Variants in FBLN2 observed in about 807,000 individuals in gnomAD.
The protein encoded by FBLN2 is fibulin-2.
Under a neutral mutation model 123.7 loss-of-function variants are expected in FBLN2, and 81 were observed. The ratio of observed to expected loss-of-function variants is 0.65; its 90% confidence interval spans 0.55 to 0.79. FBLN2 has a LOEUF of 0.79. Among genes scored for constraint, FBLN2 ranks in the 30% least tolerant of loss-of-function variants. The pLI, the probability that FBLN2 is intolerant of heterozygous loss-of-function variation, is 0.00. For missense variants in FBLN2, 1,603 were observed against 1,681.3 expected, an observed-to-expected ratio of 0.95 and a Z score of 0.81; for synonymous variants, 699 against 701.4, an observed-to-expected ratio of 1.00 and a Z score of 0.05.
In FBLN2 at chr3:13,596,390, G is replaced by A. The variant is rs184203509; in HGVS notation, c.1307-11672G>A. Among the ~76,000 whole-genome samples, 16 of 152,286 alleles carry A rather than the reference G, an allele frequency of 1.1e-4. No homozygotes were observed. The East Asian group carries it at 3.1e-3, about 29-fold the overall frequency. On this transcript the variant is annotated intron_variant, in intron 2 of 17. Coordinates refer to ENST00000404922, the MANE Select transcript of FBLN2 (RefSeq NM_001004019.2). ...TTATTTAATCACTGCCCTGCAGGTG[G>A]GATTTAGGTTGTTTCTGGATCTTTG...
chr3:13,593,165 GAT>G (rs1172271425), intron 2 of FBLN2, among the ~76,000 whole-genome samples: 1 of 152,224 alleles, frequency 6.6e-6, no homozygotes, highest in Non-Finnish European at 1.5e-5. Flanking sequence ...GCATTGAGGT[GAT>G]TTCTGCAGTC....
intron 2 of FBLN2, among the ~76,000 whole-genome samples, chr3:13,602,584 A>T (rs1030581767): frequency 6.6e-6 from 1 of 152,208 alleles, no homozygotes; most frequent in Non-Finnish European, 1.5e-5. Context: ...TGTTATACCC[A>T]TTAGACAATC....
At position 13,631,346 on chromosome 3, in the gene FBLN2, C is replaced by T. The variant is rs1197756221; in HGVS notation, c.3103C>T (p.Gln1035Ter). The change falls in exon 16 of 18, where the codon CAA becomes TAA. Residue 1035 changes from glutamine (Q) to a stop codon, truncating the protein, a stop_gained. Transcript: ENST00000404922. LOFTEE classifies it high-confidence loss of function. Reference sequence around the variant, plus strand: ...TCTGACAGACATCGACGAGTGTGCTCAAGGCGCCGGCATCCTCTGCACCTT... The same window carrying T: ...TCTGACAGACATCGACGAGTGTGCTTAAGGCGCCGGCATCCTCTGCACCTT... The part of the protein sequence containing the change: ...HTCTDIDECA[Q>*]GAGILCTFRC... 5 of 1,602,776 alleles carry T rather than the reference C, an allele frequency of 3.1e-6. No individual in the cohort carries two copies. Among genetic ancestry groups the T allele is most frequent in the Non-Finnish European group, 8.5e-7 (1 of 1,175,302 alleles).
At chr3:13,634,096 T>C (rs1336811463) in intron 16 of FBLN2, among the ~76,000 whole-genome samples, 2 of 152,196 alleles carry the variant, frequency 1.3e-5, no homozygotes, top group Non-Finnish European at 2.9e-5. Flanking sequence ...ACTCTCGGTC[T>C]TGCCCCTGAG....
chr3:13,629,902 C>T lies in FBLN2; in HGVS notation c.2925C>T (p.Cys975=), dbSNP rs41283999. 9,700 of 1,607,190 alleles carry T rather than the reference C, an allele frequency of 6.0e-3. 473 individuals carry two copies. In the African/African-American group the frequency reaches 0.11, roughly 19 times the overall value. ...ENTLGSYRCS[C]ASGFLLAADG... is the part of the protein sequence containing the mutation. The stretch of plus-strand genomic sequence containing the variant: ...CACTCGGCTCCTACCGCTGTTCCTG[C>T]GCCTCCGGGTTCCTGCTAGCAGCGG... The change falls in exon 14 of 18, where the codon TGC becomes TGT. Residue 975 remains cysteine (C), a synonymous_variant. Transcript: ENST00000404922.
At chr3:13,549,261 C>T in intron 1 of FBLN2, 53 bp downstream of exon 1, 1 of 973,502 alleles carries the variant, frequency 1.0e-6, no homozygotes. Context: ...GTCCGCGCCT[C>T]GCAGCTCAGG....
chr3:13,631,188 C>T lies in FBLN2; in HGVS notation c.3086-141C>T, dbSNP rs575391352. 389 of 1,124,874 alleles carry T rather than the reference C, an allele frequency of 3.5e-4. No homozygotes were observed. In the African/African-American group the frequency reaches 5.7e-3, roughly 16 times the overall value. The allele number at this position is 1,124,874 out of a possible 1,614,324, so 69.7% of individuals were successfully genotyped here. A position where few individuals can be genotyped will look rare whatever the true frequency, so the allele number is the denominator to read the frequency against. On this transcript the variant is annotated intron_variant, in intron 15 of 17. Coordinates refer to ENST00000404922, the MANE Select transcript of FBLN2 (RefSeq NM_001004019.2). ...TTGCTTCGTGGCCTTGGGCAACTCT[C>T]TTCTACTCTCTCAGTCCACTTGTCT...
In FBLN2 at chr3:13,629,881, C is replaced by T. The variant is rs763679280; in HGVS notation, c.2904C>T (p.Leu968=). The T allele has an allele frequency of 1.9e-5, 31 of 1,599,526 alleles. No homozygotes were observed. The highest frequency in any genetic ancestry group is 6.8e-5 in the South Asian group (6 of 88,186). ...GCCAGCACACGTGTGAGAACACACT[C>T]GGCTCCTACCGCTGTTCCTGCGCCT... ...RLCQHTCENT[L]GSYRCSCASG... The change falls in exon 14 of 18, where the codon CTC becomes CTT. Residue 968 remains leucine, a synonymous_variant. Coordinates refer to ENST00000404922, the MANE Select transcript of FBLN2 (RefSeq NM_001004019.2).
At position 13,613,951 on chromosome 3, in the gene FBLN2, A is replaced by C. The variant is rs1705488693; in HGVS notation, c.1549-33A>C. The C allele has an allele frequency of 7.5e-6, 12 of 1,598,522 alleles. No individual in the cohort carries two copies. In the African/African-American group the frequency reaches 8.0e-5, roughly 11 times the overall value. On this transcript the variant is annotated intron_variant, in intron 4 of 17. Coordinates refer to ENST00000404922, the MANE Select transcript of FBLN2 (RefSeq NM_001004019.2). ...GAGCCTAGCTCCAGGCTGGGGCCAG[A>C]GATTGGGCAGTGATAACTGTCTCTC...
chr3:13,629,775 G>GGTGGCC, intron 13 of FBLN2, 45 bp from the exon 14 acceptor site: 1 of 1,541,612 alleles, frequency 6.5e-7, no homozygotes, highest in Non-Finnish European at 8.8e-7. Flanking sequence ...GAGGGAGCTG[G>GGTGGCC]CTTTAGGGCC....
At chr3:13,562,291 C>T (rs964283730) in intron 1 of FBLN2, among the ~76,000 whole-genome samples, 1 of 151,780 alleles carries the variant, frequency 6.6e-6, no homozygotes, top group Non-Finnish European at 1.5e-5. Context: ...TTACGTTTGG[C>T]TCTACAGTGC....
In FBLN2 at chr3:13,571,421, G is replaced by T. The variant is rs200487515; in HGVS notation, c.1066G>T (p.Val356Leu). 1.2e-6 allele frequency: 2 copies of T among 1,612,960 alleles called. No homozygotes were observed. The highest frequency in any genetic ancestry group is 8.5e-7 in the Non-Finnish European group (1 of 1,179,594). The stretch of plus-strand genomic sequence containing the variant: ...GTCCCGCAGCACTGGGCCGGAGGGC[G>T]TGACGCATGCACCGAGCCTGGGCAA... ...ATSRSTGPEG[V>L]THAPSLGKAA... The change falls in exon 2 of 18, where the codon GTG (valine) becomes TTG (leucine). Residue 356 changes from valine to leucine, a missense_variant. Physicochemically the swap from Val to Leu is conservative, Grantham distance 32. Transcript: ENST00000404922.
intron 5 of FBLN2, among the ~76,000 whole-genome samples, chr3:13,616,419 G>A (rs948106831): frequency 1.1e-4 from 16 of 152,180 alleles, no homozygotes; most frequent in African/African-American, 3.6e-4. Flanking sequence ...AATCCTGGAG[G>A]TACTGTCTAG....
chr3:13,622,055 A>C, intron 9 of FBLN2, 140 bp downstream of exon 9: 1 of 1,039,026 alleles, frequency 9.6e-7, no homozygotes, highest in South Asian at 1.7e-5. Flanking sequence ...TCCGTGCTCT[A>C]TGTCGTGCCC....
chr3:13,575,373 G>T (rs1457756080), intron 2 of FBLN2, among the ~76,000 whole-genome samples: 1 of 152,072 alleles, frequency 6.6e-6, no homozygotes, highest in Non-Finnish European at 1.5e-5. Context: ...GGTCCCCTTT[G>T]AATTCATCCT....
intron 1 of FBLN2, among the ~76,000 whole-genome samples, chr3:13,554,856 C>T (rs572385727): frequency 1.3e-5 from 2 of 152,086 alleles, no homozygotes; most frequent in African/African-American, 4.8e-5. Context: ...ACCGTGTTTT[C>T]GGCTGCATCC....
rs200786749 is a variant in FBLN2 at position 13,570,927 on chromosome 3, G to A, written c.572G>A (p.Arg191Gln). The A allele has an allele frequency of 3.5e-5, 57 of 1,612,884 alleles. 1 individual carries two copies. The South Asian group carries it at 4.5e-4, about 13-fold the overall frequency. ...FSDAEEGDPE[R>Q]HYEDPYSYDQ... ...GATGCCGAGGAGGGTGACCCCGAGC[G>A]ACACTACGAAGACCCCTACAGCTAT... Residue 191 changes from arginine to glutamine, a missense_variant, in exon 2 of 18, where the codon CGA becomes CAA. Transcript: ENST00000404922.
At chr3:13,596,273 GA>G (rs145229923) in intron 2 of FBLN2, among the ~76,000 whole-genome samples, 8,631 of 152,278 alleles carry the variant, frequency 0.057, 282 homozygotes, top group African/African-American at 0.092. Flanking sequence ...AAGTAGTGGG[GA>G]CCACAGGTGC....
At chr3:13,609,759 G>A in intron 4 of FBLN2, 117 bp downstream of exon 4, 3 of 1,254,034 alleles carry the variant, frequency 2.4e-6, no homozygotes, top group Non-Finnish European at 3.3e-6. Context: ...CTCCTCCTGG[G>A]AGTGACCCTC....
Sources: allele counts gnomAD v4.1 joint callset (sites outside exome capture counted in the v4.1 genomes callset), GRCh38; gene constraint gnomAD v4.1.1; transcripts MANE v1.5; gene names NCBI Gene and HGNC (gene_info 2026-07-23, HGNC 2026-07-21).